The following NRG1 variants were observed in gnomAD, a reference collection of about 807,000 sequenced individuals.
NRG1 encodes pro-neuregulin-1, membrane-bound isoform.
A neutral mutation model predicts 63.8 loss-of-function variants in NRG1; 18 were observed. The observed-to-expected ratio is 0.28, with a 90% CI of 0.19 to 0.42. The LOEUF (loss-of-function observed/expected upper bound fraction) is 0.42. NRG1 is among the 10% of genes least tolerant of loss of function. The pLI is 1.00. For missense variants in NRG1, 762 were observed against 814.7 expected (o/e 0.94, Z 0.79); for synonymous variants, 302 against 301.3 (o/e 1.00, Z -0.02).
intron 1 of NRG1, among the ~76,000 whole-genome samples, chr8:32,354,825 A>G (rs527829260): frequency 4.6e-5 from 7 of 151,130 alleles, no homozygotes; most frequent in Non-Finnish European, 1.0e-4. Flanking sequence ...CATATAACAT[A>G]AAAGAGATTA....
downstream of NRG1, among the ~76,000 whole-genome samples, chr8:32,770,493 T>TA (rs1222194210): frequency 6.6e-6 from 1 of 152,210 alleles, no homozygotes. Context: ...ATGTATACAG[T>TA]ATGTTATGTT....
At chr8:32,066,795 T>C (rs1370654809) in intron 1 of NRG1, among the ~76,000 whole-genome samples, 2 of 152,220 alleles carry the variant, frequency 1.3e-5, no homozygotes, top group South Asian at 2.1e-4. Context: ...GCCATTTTCA[T>C]GATATTGATT....
At chr8:32,561,467 G>C (rs1350683060) in intron 1 of NRG1, among the ~76,000 whole-genome samples, 1 of 152,144 alleles carries the variant, frequency 6.6e-6, no homozygotes, top group Non-Finnish European at 1.5e-5. Context: ...AGGGTAATGG[G>C]TGTGTGTGTG....
At chr8:32,068,045 G>A (rs1825156290) in intron 1 of NRG1, among the ~76,000 whole-genome samples, 1 of 152,124 alleles carries the variant, frequency 6.6e-6, no homozygotes, top group Non-Finnish European at 1.5e-5. Flanking sequence ...AACACTCCTT[G>A]GGTTTCCCTC....
intron 1 of NRG1, among the ~76,000 whole-genome samples, chr8:31,962,189 T>C (rs949954865): frequency 6.6e-6 from 1 of 152,184 alleles, no homozygotes; most frequent in African/African-American, 2.4e-5. Flanking sequence ...TCTCCTCCAA[T>C]ACATTTCTAC....
intron 1 of NRG1, among the ~76,000 whole-genome samples, chr8:32,231,830 G>T (rs1449041925): frequency 6.6e-6 from 1 of 150,986 alleles, no homozygotes; most frequent in Non-Finnish European, 1.5e-5. Flanking sequence ...GAGAGGCGGA[G>T]GCTGCAGTGA....
chr8:32,045,559 A>G (rs1394740219), intron 1 of NRG1, among the ~76,000 whole-genome samples: 2 of 152,082 alleles, frequency 1.3e-5, no homozygotes, highest in East Asian at 3.9e-4. Flanking sequence ...TATGTGCTCA[A>G]TTTTAAGAAT....
chr8:32,749,853 G>A (rs560447775), intron 7 of NRG1: 11 of 501,640 alleles, frequency 2.2e-5, no homozygotes, highest in South Asian at 9.5e-5. Flanking sequence ...TATATCCCAC[G>A]CTGCTTAACC....
chr8:31,735,100 T>C (rs921047438), intron 1 of NRG1, among the ~76,000 whole-genome samples: 7 of 152,098 alleles, frequency 4.6e-5, no homozygotes, highest in Admixed American at 4.6e-4. Flanking sequence ...TGGGGGAATT[T>C]CCAAGTCAAT....
intron 1 of NRG1, among the ~76,000 whole-genome samples, chr8:31,951,245 T>A (rs1216964490): frequency 6.6e-6 from 1 of 152,228 alleles, no homozygotes; most frequent in African/African-American, 2.4e-5. Flanking sequence ...GGGTACCCAC[T>A]CTTTGAGGCC....
intron 1 of NRG1, among the ~76,000 whole-genome samples, chr8:32,445,661 C>A (rs1055816467): frequency 6.6e-6 from 1 of 152,182 alleles, no homozygotes; most frequent in Non-Finnish European, 1.5e-5. Context: ...TTCTTTAATT[C>A]ATTCCTTACC....
intron 1 of NRG1, among the ~76,000 whole-genome samples, chr8:31,669,904 T>C (rs1806946351): frequency 6.6e-6 from 1 of 152,186 alleles, no homozygotes; most frequent in Non-Finnish European, 1.5e-5. Context: ...ATTTTCCACT[T>C]GTGGTGTCAT....
chr8:31,822,421 TA>T (rs1304434509), intron 1 of NRG1, among the ~76,000 whole-genome samples: 2 of 151,844 alleles, frequency 1.3e-5, no homozygotes, highest in Non-Finnish European at 2.9e-5. Flanking sequence ...CTCCCTCTCT[TA>T]AAAAAAAGTG....
chr8:31,855,598 T>C (rs1478431383), intron 1 of NRG1, among the ~76,000 whole-genome samples: 12 of 152,224 alleles, frequency 7.9e-5, no homozygotes, highest in Admixed American at 2.0e-4. Context: ...AATTGGAGCA[T>C]TTAGTCCATT....
At chr8:31,884,059 C>A (rs1241081378) in intron 1 of NRG1, among the ~76,000 whole-genome samples, 1 of 152,084 alleles carries the variant, frequency 6.6e-6, no homozygotes, top group Non-Finnish European at 1.5e-5. Context: ...AGATCCTGAA[C>A]ATGAACGGGC....
intron 1 of NRG1, among the ~76,000 whole-genome samples, chr8:31,923,277 C>T (rs1210440626): frequency 6.6e-6 from 1 of 151,474 alleles, no homozygotes; most frequent in Non-Finnish European, 1.5e-5. Context: ...ATAGGTTTTC[C>T]TTTATTCTTT....
intron 1 of NRG1, among the ~76,000 whole-genome samples, chr8:32,359,078 T>A (rs908881339): frequency 2.0e-5 from 3 of 151,990 alleles, no homozygotes; most frequent in African/African-American, 7.2e-5. Flanking sequence ...GCTAGAGAGA[T>A]GGTGGGTGGA....
intron 1 of NRG1, among the ~76,000 whole-genome samples, chr8:32,102,866 T>TCAC (rs1357387779): frequency 6.6e-5 from 10 of 152,184 alleles, no homozygotes; most frequent in Non-Finnish European, 1.3e-4. Context: ...TTACAATGTC[T>TCAC]TGGTGGCTTT....
intron 1 of NRG1, among the ~76,000 whole-genome samples, chr8:32,480,226 C>G (rs1434355423): frequency 6.6e-6 from 1 of 151,776 alleles, no homozygotes; most frequent in Non-Finnish European, 1.5e-5. Context: ...AATGATCTCA[C>G]CTATATGTGG....
Sources: allele counts gnomAD v4.1 joint callset (sites outside exome capture counted in the v4.1 genomes callset), GRCh38; gene constraint gnomAD v4.1.1; transcripts MANE v1.5; gene names NCBI Gene and HGNC (gene_info 2026-07-23, HGNC 2026-07-21).